ARHGAP17: variants seen among roughly 807,000 people sequenced by gnomAD.
The protein encoded by ARHGAP17 is Rho GTPase activating protein 17, also known as rho GTPase-activating protein 17.
A neutral mutation model predicts 99.5 loss-of-function variants in ARHGAP17; 57 were observed. The ratio of observed to expected loss-of-function variants is 0.57; its 90% CI spans 0.46 to 0.71. The LOEUF (loss-of-function observed/expected upper bound fraction) is 0.71, where lower values mean the gene tolerates loss of function less well. Ranked by LOEUF, ARHGAP17 falls within the 30% of genes least tolerant of loss-of-function variation. The probability of loss-of-function intolerance (pLI) is 0.00; values close to 1 mark genes in which losing one functional copy is unlikely to be tolerated. For synonymous variants in ARHGAP17, 417 were observed against 429.6 expected (o/e 0.97, Z 0.36); for missense variants, 1,000 against 1,122.4 (o/e 0.89, Z 1.56).
chr16:24,979,051 A>G (rs1041849485), intron 1 of ARHGAP17, 46 bp from the exon 2 acceptor site: 24 of 1,326,468 alleles, frequency 1.8e-5, no homozygotes, highest in Non-Finnish European at 2.3e-5. Flanking sequence ...CAAAAATGAA[A>G]GGCAACTCCT....
chr16:24,979,814 G>A (rs778596165), intron 1 of ARHGAP17, among the ~76,000 whole-genome samples: 3 of 152,040 alleles, frequency 2.0e-5, no homozygotes, highest in African/African-American at 7.2e-5. Context: ...GGATTCAAGC[G>A]ATTCTCGTGC....
intron 14 of ARHGAP17, among the ~76,000 whole-genome samples, chr16:24,944,257 G>A (rs1197530503): frequency 1.4e-5 from 2 of 139,172 alleles, no homozygotes; most frequent in Non-Finnish European, 3.0e-5. Flanking sequence ...GTGACAGAGC[G>A]AAACTCTGTC....
intron 2 of ARHGAP17, 66 bp downstream of exon 2, chr16:24,978,900 A>T: frequency 3.2e-6 from 4 of 1,256,960 alleles, no homozygotes; most frequent in Non-Finnish European, 3.3e-6. Flanking sequence ...ACAGGCCTCA[A>T]TTCTCACATA....
In ARHGAP17 at chr16:24,939,403, G is replaced by C. The variant is rs140774879; in HGVS notation, c.1685C>G (p.Ala562Gly). The change falls in exon 17 of 20, where the codon GCG becomes GGG. Residue 562 changes from alanine to glycine, a missense_variant. By Grantham distance (60) the Ala-to-Gly change is moderately conservative (BLOSUM62 0). Transcript: ENST00000289968. ...SSGGGTVPSSAGILEQGPSPG... is the reference protein window; with the variant it reads ...SSGGGTVPSSGGILEQGPSPG... The stretch of plus-strand genomic sequence containing the variant: ...GCTCGGCCCCTGCTCCAGTATGCCC[G>C]CGGAAGAGGGGACAGTCCCACCCCC... 6.2e-7 allele frequency: 1 copy of C among 1,610,458 alleles called. No individual in the cohort carries two copies. Among genetic ancestry groups the C allele is most frequent in the East Asian group, 2.2e-5 (1 of 44,872 alleles).
chr16:24,930,858 T>C lies in ARHGAP17; in HGVS notation c.2441A>G (p.Gln814Arg). Residue 814 changes from glutamine (Q) to arginine (R), a missense_variant, in exon 19 of 20, where the codon CAA (glutamine) becomes CGA (arginine). By Grantham distance (43) the Gln-to-Arg change is conservative. Transcript: ENST00000289968. ...CCCAGCTGAGTGGACACCAGGAGGT[T>C]GGGGGGGTGGGGGCACGCTGGGCCG... ...RNRPSVPPPP[Q>R]PPGVHSAGDS... 1.2e-6 allele frequency: 2 copies of C among 1,613,156 alleles called. No homozygotes were observed. The highest frequency in any genetic ancestry group is 2.2e-5 in the South Asian group (2 of 90,980).
chr16:24,931,525 G>C, intron 18 of ARHGAP17, 121 bp from the exon 19 acceptor site: 7 of 1,021,106 alleles, frequency 6.9e-6, no homozygotes, highest in Non-Finnish European at 9.3e-6. Context: ...TACCTCTGAT[G>C]AGAGGTGGTC....
chr16:24,999,383 G>C (rs1409226850), intron 1 of ARHGAP17, among the ~76,000 whole-genome samples: 1 of 151,466 alleles, frequency 6.6e-6, no homozygotes, highest in Admixed American at 6.6e-5. Context: ...TTATTATGTG[G>C]TTAAATCTAC....
At chr16:24,991,737 TCA>T (rs1320645218) in intron 1 of ARHGAP17, among the ~76,000 whole-genome samples, 3 of 152,180 alleles carry the variant, frequency 2.0e-5, no homozygotes, top group Non-Finnish European at 2.9e-5. Context: ...GAGCATGCAT[TCA>T]CAGAGAAGCA....
chr16:24,940,359 C>G (rs1002650330), intron 16 of ARHGAP17, among the ~76,000 whole-genome samples: 2 of 152,074 alleles, frequency 1.3e-5, no homozygotes, highest in Non-Finnish European at 2.9e-5. Context: ...GATGTAGAAA[C>G]AATCCTATGT....
intron 19 of ARHGAP17, among the ~76,000 whole-genome samples, chr16:24,928,221 C>A (rs906492419): frequency 2.1e-4 from 32 of 152,104 alleles, no homozygotes; most frequent in African/African-American, 7.7e-4. Flanking sequence ...TAAATGTTGG[C>A]CTTCTGTGTA....
rs753432358 is a variant in ARHGAP17, at chr16:24,920,177, G to A, written c.2599C>T (p.Arg867Cys). Residue 867 changes from arginine to cysteine, a missense_variant, in exon 20 of 20, where the codon CGC (arginine) becomes TGC (cysteine). Arg to Cys is a radical substitution (Grantham distance 180). This residue lies in a region of ARHGAP17 where 528 missense variants were observed against 511.4 expected (regional missense o/e 1.03). Coordinates refer to ENST00000289968, the MANE Select transcript of ARHGAP17 (RefSeq NM_001006634.3). The stretch of plus-strand genomic sequence containing the variant: ...TCATTGTCTATATCCAGCAGGATGC[G>A]GCCAGGCACGTCTTTGCTGGCTGAG... Reference protein sequence around the residue: ...SDSASKDVPGRILLDIDNDTE... With the variant: ...SDSASKDVPGCILLDIDNDTE... The A allele has an allele frequency of 9.9e-6, 16 of 1,614,054 alleles. No homozygotes were observed. Among genetic ancestry groups the A allele is most frequent in the African/African-American group, 2.7e-5 (2 of 74,928 alleles).
intron 1 of ARHGAP17, among the ~76,000 whole-genome samples, chr16:24,983,800 T>C (rs544477578): frequency 1.3e-5 from 2 of 152,348 alleles, no homozygotes; most frequent in African/African-American, 2.4e-5. Context: ...TGTTTTTTCC[T>C]ATGAAGCTAT....
Position 25,004,607 on chromosome 16 carries a change from C to G in ARHGAP17, c.53+10602G>C, listed in dbSNP as rs141883789. 3.2e-4 allele frequency among the ~76,000 whole-genome samples: 48 copies of G among 152,254 alleles called. 1 individual carries two copies. The highest frequency in any genetic ancestry group is 3.4e-3 in the Middle Eastern group (1 of 294). Reference sequence around the variant, plus strand: ...TTAAGATTTATATTCATTTGAGCACCTGTTTACTTGGTCTGTGATTTCTAA... The same window carrying G: ...TTAAGATTTATATTCATTTGAGCACGTGTTTACTTGGTCTGTGATTTCTAA... On this transcript the variant is annotated intron_variant, in intron 1 of 19. Coordinates refer to ENST00000289968, the MANE Select transcript of ARHGAP17 (RefSeq NM_001006634.3).
At chr16:24,959,818 CT>C in intron 8 of ARHGAP17, 66 bp from the exon 9 acceptor site, 2 of 1,603,136 alleles carry the variant, frequency 1.2e-6, no homozygotes, top group South Asian at 2.2e-5. Context: ...CACACAATGG[CT>C]GAGCAAAACT....
intron 6 of ARHGAP17, among the ~76,000 whole-genome samples, chr16:24,964,587 C>G (rs1395778544): frequency 6.6e-6 from 1 of 151,696 alleles, no homozygotes; most frequent in Admixed American, 6.6e-5. Flanking sequence ...AACTCTACTA[C>G]TGGAGAGAAA....
intron 17 of ARHGAP17, among the ~76,000 whole-genome samples, chr16:24,938,786 A>G (rs987317515): frequency 9.9e-5 from 15 of 151,906 alleles, no homozygotes; most frequent in Admixed American, 1.3e-4. Flanking sequence ...AAAAAAAAAA[A>G]AAAAAGAAAA....
intron 1 of ARHGAP17, among the ~76,000 whole-genome samples, chr16:24,998,568 G>A (rs1207501488): frequency 6.6e-6 from 1 of 152,168 alleles, no homozygotes; most frequent in Non-Finnish European, 1.5e-5. Flanking sequence ...GGGTGAAGTA[G>A]GTTTCAGAAA....
intron 9 of ARHGAP17, chr16:24,956,886 A>G (rs2051825273): frequency 1.3e-5 from 2 of 152,236 alleles, no homozygotes; most frequent in African/African-American, 4.8e-5. Flanking sequence ...CATTGGCTTC[A>G]GCTGTCGGAG....
chr16:24,941,056 G>C (rs189218383), intron 16 of ARHGAP17, among the ~76,000 whole-genome samples: 8 of 152,298 alleles, frequency 5.3e-5, no homozygotes, highest in African/African-American at 1.9e-4. Flanking sequence ...GGTTCAGAGA[G>C]GTAATACGTC....
Sources: allele counts gnomAD v4.1 joint callset (sites outside exome capture counted in the v4.1 genomes callset), GRCh38; gene constraint gnomAD v4.1.1; regional missense constraint gnomAD v4.1.1; transcripts MANE v1.5; gene names NCBI Gene and HGNC (gene_info 2026-07-23, HGNC 2026-07-21).